Variants in ELAPOR2 observed in about 807,000 individuals in gnomAD.
ELAPOR2 encodes the protein endosome-lysosome associated apoptosis and autophagy regulator family member 2.
In ELAPOR2, 89 loss-of-function variants were observed where a neutral mutation model predicts 120.7. The observed-to-expected ratio is 0.74, with a 90% CI of 0.62 to 0.88. The LOEUF (loss-of-function observed/expected upper bound fraction) is 0.88. Among genes scored for constraint, ELAPOR2 ranks in the 40% least tolerant of loss-of-function variants. The pLI, the probability that ELAPOR2 is intolerant of heterozygous loss-of-function variation, is 0.00. For synonymous variants in ELAPOR2, 444 were observed against 444.9 expected (o/e 1.00, Z 0.03); for missense variants, 1,134 against 1,251.6 (o/e 0.91, Z 1.42).
chr7:86,951,809 T>C (rs537472870), intron 2 of ELAPOR2, among the ~76,000 whole-genome samples: 11 of 152,346 alleles, frequency 7.2e-5, no homozygotes, highest in African/African-American at 2.6e-4. Context: ...TCTGATTTAG[T>C]ATATGTTGTT....
At chr7:86,950,906 T>C (rs1375144669) in intron 2 of ELAPOR2, among the ~76,000 whole-genome samples, 1 of 152,220 alleles carries the variant, frequency 6.6e-6, no homozygotes, top group Non-Finnish European at 1.5e-5. Context: ...GGTTAGTGCC[T>C]GGCATATAAC....
intron 1 of ELAPOR2, 37 bp downstream of exon 1, chr7:87,059,288 C>A (rs1256183648): frequency 8.8e-6 from 11 of 1,246,200 alleles, no homozygotes; most frequent in Non-Finnish European, 1.0e-5. Flanking sequence ...GCGCCCTCCC[C>A]CAGCAAACTC....
rs1789341612 is a variant in ELAPOR2, at chr7:86,912,129, G to A, written c.2112C>T (p.Phe704=). 6.2e-7 allele frequency: 1 copy of A among 1,612,334 alleles called. No individual in the cohort carries two copies. Among genetic ancestry groups the A allele is most frequent in the Non-Finnish European group, 8.5e-7 (1 of 1,178,616 alleles). ...SVGSLMNGPS[F]TSKGTKYFHF... ...GGAAGTATTTTGTTCCTTTGGAGGT[G>A]AAGCTGGGGCCATTCATTAATGAGC... Residue 704 remains phenylalanine, a synonymous_variant, in exon 15 of 22, where the codon TTC becomes TTT. Coordinates refer to ENST00000450689, the MANE Select transcript of ELAPOR2 (RefSeq NM_001142749.3).
At position 86,926,877 on chromosome 7, in the gene ELAPOR2, G is replaced by T; in HGVS notation, c.1129C>A (p.Arg377=). Residue 377 remains arginine (R), a synonymous_variant, in exon 9 of 22, where the codon CGG becomes AGG. Coordinates refer to ENST00000450689, the MANE Select transcript of ELAPOR2 (RefSeq NM_001142749.3). ...CTAATAGCATCTGTGAGATCCTCCC[G>T]GCAGATTTTGGGCTCTATCCACTTG... is the stretch of plus-strand genomic sequence containing the variant. The part of the protein sequence containing the change: ...MYKWIEPKIC[R]EDLTDAIRLP... The T allele has an allele frequency of 6.3e-7, 1 of 1,589,314 alleles. No individual in the cohort carries two copies. The highest frequency in any genetic ancestry group is 8.5e-7 in the Non-Finnish European group (1 of 1,169,702).
intron 21 of ELAPOR2, 60 bp from the exon 22 acceptor site, chr7:86,880,590 C>T: frequency 9.5e-7 from 1 of 1,049,820 alleles, no homozygotes; most frequent in Non-Finnish European, 1.5e-6. Flanking sequence ...ATTTTAGGAT[C>T]TTACATGTCC....
chr7:86,915,334 C>A (rs1291116053), intron 12 of ELAPOR2, among the ~76,000 whole-genome samples: 1 of 152,016 alleles, frequency 6.6e-6, no homozygotes, highest in African/African-American at 2.4e-5. Flanking sequence ...CTGAATTATA[C>A]TTGCAAGTTC....
chr7:86,926,823 A>G lies in ELAPOR2; in HGVS notation c.1183T>C (p.Cys395Arg). ...TAAAATCCAGGGTTGCAAGGCGGAC[A>G]ATCCTTCTTCTCTCCAGAAGGGGGC... ...RLPPSGEKKD[C>R]PPCNPGFYNN... Residue 395 changes from cysteine to arginine, a missense_variant, in exon 9 of 22, where the codon TGT (cysteine) becomes CGT (arginine). Cys to Arg is a radical substitution (Grantham distance 180, BLOSUM62 -3). Around this residue, in one of 3 missense-constraint regions of ELAPOR2, gnomAD observed 831 missense variants for 867.6 expected, o/e 0.96. Transcript: ENST00000450689. 1 of 1,611,640 alleles carries G rather than the reference A, an allele frequency of 6.2e-7. No homozygotes were observed.
chr7:87,009,587 T>C (rs1351496124), intron 1 of ELAPOR2, among the ~76,000 whole-genome samples: 1 of 152,134 alleles, frequency 6.6e-6, no homozygotes, highest in Non-Finnish European at 1.5e-5. Flanking sequence ...AGTGAAATAA[T>C]GGCTATTTCA....
chr7:86,931,264 G>A (rs547471474), intron 8 of ELAPOR2, among the ~76,000 whole-genome samples: 1 of 151,880 alleles, frequency 6.6e-6, no homozygotes, highest in Non-Finnish European at 1.5e-5. Flanking sequence ...CATATGAAGA[G>A]AGTACGTTCA....
In ELAPOR2 at chr7:86,981,765, G is replaced by C. The variant is rs901644371; in HGVS notation, c.190-16741C>G. Among the ~76,000 whole-genome samples, 13 of 152,198 alleles carry C rather than the reference G, an allele frequency of 8.5e-5. 1 individual carries two copies. The highest frequency in any genetic ancestry group is 1.8e-4 in the Non-Finnish European group (12 of 68,044). On this transcript the variant is annotated intron_variant, in intron 1 of 21. Coordinates refer to ENST00000450689, the MANE Select transcript of ELAPOR2 (RefSeq NM_001142749.3). ...TTGACGCAGAAGACGGGTGATTTCT[G>C]CATTTCCAACTAAGGTACCTGGTTC...
chr7:87,029,291 G>C (rs1794352630), intron 1 of ELAPOR2, among the ~76,000 whole-genome samples: 1 of 152,310 alleles, frequency 6.6e-6, no homozygotes, highest in Non-Finnish European at 1.5e-5. Context: ...GCCTGGCATA[G>C]AGTAGATATT....
At chr7:86,925,349 C>G (rs539228021) in intron 10 of ELAPOR2, among the ~76,000 whole-genome samples, 179 bp downstream of exon 10, 3 of 152,048 alleles carry the variant, frequency 2.0e-5, no homozygotes, top group East Asian at 3.9e-4. Context: ...CTATGAATGT[C>G]ACCTGGCTGT....
chr7:86,938,346 C>G, intron 7 of ELAPOR2, 132 bp from the exon 8 acceptor site: 1 of 631,206 alleles, frequency 1.6e-6, no homozygotes, highest in Non-Finnish European at 2.8e-6. Flanking sequence ...GTAGAACTAC[C>G]TAGGTCTAAA....
intron 1 of ELAPOR2, among the ~76,000 whole-genome samples, chr7:87,058,345 C>T (rs1795326602): frequency 1.3e-5 from 2 of 152,220 alleles, no homozygotes; most frequent in African/African-American, 4.8e-5. Context: ...AACGACCCAT[C>T]GCCCTGATTC....
intron 5 of ELAPOR2, among the ~76,000 whole-genome samples, chr7:86,940,564 T>C (rs1305502821): frequency 6.6e-6 from 1 of 152,036 alleles, no homozygotes; most frequent in Non-Finnish European, 1.5e-5. Context: ...AAAATACTGC[T>C]ACAGTAACAA....
intron 1 of ELAPOR2, among the ~76,000 whole-genome samples, chr7:87,043,969 G>A (rs1012113389): frequency 8.0e-5 from 12 of 150,748 alleles, no homozygotes; most frequent in Admixed American, 6.6e-5. Flanking sequence ...ACCAACAACA[G>A]ACAGAGAGCC....
At chr7:86,977,135 T>C (rs1158084124) in intron 1 of ELAPOR2, among the ~76,000 whole-genome samples, 1 of 152,236 alleles carries the variant, frequency 6.6e-6, no homozygotes, top group African/African-American at 2.4e-5. Context: ...CACTCATTAG[T>C]GATACATATC....
chr7:87,008,895 A>G (rs1271715599), intron 1 of ELAPOR2, among the ~76,000 whole-genome samples: 1 of 152,184 alleles, frequency 6.6e-6, no homozygotes, highest in Non-Finnish European at 1.5e-5. Context: ...AAATTTTTTA[A>G]TGAAAATTTC....
At chr7:86,973,745 A>G (rs1792181661) in intron 1 of ELAPOR2, among the ~76,000 whole-genome samples, 1 of 152,170 alleles carries the variant, frequency 6.6e-6, no homozygotes, top group Non-Finnish European at 1.5e-5. Flanking sequence ...AGAGTATGAT[A>G]AAAAGAAGGT....
Sources: allele counts gnomAD v4.1 joint callset (sites outside exome capture counted in the v4.1 genomes callset), GRCh38; gene constraint gnomAD v4.1.1; regional missense constraint gnomAD v4.1.1; transcripts MANE v1.5; gene names NCBI Gene and HGNC (gene_info 2026-07-23, HGNC 2026-07-21).